The following MYO3B variants were observed in gnomAD, a reference collection of about 807,000 sequenced individuals.
MYO3B encodes the protein myosin IIIB.
Under a neutral mutation model 174.6 loss-of-function variants are expected in MYO3B, and 156 were observed. The observed-to-expected ratio is 0.89, with a 90% CI of 0.78 to 1.02. The LOEUF (loss-of-function observed/expected upper bound fraction) is 1.02, where lower values mean the gene tolerates loss of function less well. Among genes scored for constraint, MYO3B ranks in the 50% least tolerant of loss-of-function variants. The pLI is 0.00. For synonymous variants in MYO3B, 563 were observed against 569.1 expected (o/e 0.99, Z 0.15); for missense variants, 1,632 against 1,639.4 (o/e 1.00, Z 0.08).
At chr2:170,582,118 T>C (rs979191567) in intron 32 of MYO3B, among the ~76,000 whole-genome samples, 29 of 152,362 alleles carry the variant, frequency 1.9e-4, no homozygotes, top group African/African-American at 7.0e-4. Context: ...GCAAAGATTC[T>C]TTCATGCAAC....
At chr2:170,479,129 C>T (rs944188565) in intron 25 of MYO3B, among the ~76,000 whole-genome samples, 11 of 149,574 alleles carry the variant, frequency 7.4e-5, no homozygotes, top group African/African-American at 1.7e-4. Flanking sequence ...ACTAAAACTA[C>T]GAAAATTAGC....
At chr2:170,628,104 G>A (rs182641431) in intron 32 of MYO3B, among the ~76,000 whole-genome samples, 1 of 152,164 alleles carries the variant, frequency 6.6e-6, no homozygotes, top group Non-Finnish European at 1.5e-5. Context: ...GTCTTCAGAG[G>A]TTTCTGCTGC....
chr2:170,507,635 C>T (rs574216379), intron 28 of MYO3B, among the ~76,000 whole-genome samples: 1 of 152,132 alleles, frequency 6.6e-6, no homozygotes, highest in East Asian at 1.9e-4. Flanking sequence ...TCAAGTGATC[C>T]GCACGCCTCA....
At chr2:170,490,529 A>ATTT (rs554826924) in intron 25 of MYO3B, among the ~76,000 whole-genome samples, 1 of 145,238 alleles carries the variant, frequency 6.9e-6, no homozygotes, top group African/African-American at 2.6e-5. Context: ...CATGGATGTT[A>ATTT]TTTTTTTTTT....
In MYO3B at chr2:170,507,786, C is replaced by T. The variant is rs188716645; in HGVS notation, c.3370+5921C>T. Among the ~76,000 whole-genome samples, 2 of 152,216 alleles carry T rather than the reference C, an allele frequency of 1.3e-5. 1 individual carries two copies. The highest frequency in any genetic ancestry group is 3.9e-4 in the East Asian group (2 of 5,174). ...TGTGGTTTACTTGAGGAAAACATAC[C>T]TTGTCTGTGACAAGGCTTAGAGCAA... On this transcript the variant is annotated intron_variant, in intron 28 of 34. Coordinates refer to ENST00000408978, the MANE Select transcript of MYO3B (RefSeq NM_138995.5).
chr2:170,328,758 A>C (rs2093888093), intron 7 of MYO3B, among the ~76,000 whole-genome samples: 1 of 150,646 alleles, frequency 6.6e-6, no homozygotes, highest in Admixed American at 6.7e-5. Context: ...TGAAAGTGAT[A>C]TGGATGAACT....
chr2:170,323,887 A>G (rs974599948), intron 7 of MYO3B, among the ~76,000 whole-genome samples: 12 of 152,216 alleles, frequency 7.9e-5, no homozygotes, highest in African/African-American at 2.9e-4. Context: ...TCCTGACTGG[A>G]CCTAAAAGAG....
At chr2:170,605,527 C>A (rs568779248) in intron 32 of MYO3B, among the ~76,000 whole-genome samples, 1 of 152,266 alleles carries the variant, frequency 6.6e-6, no homozygotes, top group South Asian at 2.1e-4. Flanking sequence ...GTCTTGAAAA[C>A]CTTAGTCCTC....
At chr2:170,229,184 A>G (rs569843353) in intron 6 of MYO3B, among the ~76,000 whole-genome samples, 2 of 152,240 alleles carry the variant, frequency 1.3e-5, no homozygotes, top group African/African-American at 4.8e-5. Context: ...TTTATGATCA[A>G]TAACATTTAT....
intron 30 of MYO3B, among the ~76,000 whole-genome samples, chr2:170,533,770 C>T (rs1244818408): frequency 6.6e-6 from 1 of 152,162 alleles, no homozygotes; most frequent in Admixed American, 6.5e-5. Flanking sequence ...TAACTTCTGA[C>T]TATATATGCA....
At chr2:170,260,568 A>T (rs2093338064) in intron 7 of MYO3B, among the ~76,000 whole-genome samples, 3 of 152,140 alleles carry the variant, frequency 2.0e-5, no homozygotes, top group Admixed American at 2.0e-4. Flanking sequence ...GGGAGAGGAG[A>T]AGAAGGGTTG....
intron 32 of MYO3B, among the ~76,000 whole-genome samples, chr2:170,592,417 T>C (rs996070196): frequency 3.3e-5 from 5 of 152,144 alleles, no homozygotes; most frequent in Non-Finnish European, 7.4e-5. Context: ...TTGCAGAATT[T>C]TGGGGCAAGA....
intron 22 of MYO3B, among the ~76,000 whole-genome samples, chr2:170,437,757 C>A (rs2094765308): frequency 6.6e-6 from 1 of 152,088 alleles, no homozygotes; most frequent in Non-Finnish European, 1.5e-5. Flanking sequence ...TATTTTTCCT[C>A]CCCTGAAGGA....
rs12105432 is a variant in MYO3B at position 170,377,422 on chromosome 2, C to T, written c.972-4594C>T. ...GTCTTAGGGGAACTCCCAGCCTCTA[C>T]CTCTGGCTCTGTCTTTCCCGTTCTT... On this transcript the variant is annotated intron_variant, in intron 9 of 34. Coordinates refer to ENST00000408978, the MANE Select transcript of MYO3B (RefSeq NM_138995.5). Among the ~76,000 whole-genome samples, 96 of 152,344 alleles carry T rather than the reference C, an allele frequency of 6.3e-4. 3 individuals carry two copies. The highest frequency in any genetic ancestry group is 2.3e-3 in the African/African-American group (95 of 41,586).
chr2:170,452,909 G>A (rs1271477196), intron 23 of MYO3B, among the ~76,000 whole-genome samples: 1 of 152,144 alleles, frequency 6.6e-6, no homozygotes, highest in Admixed American at 6.5e-5. Context: ...GGCTGCCATT[G>A]TCAAAAAAAC....
chr2:170,555,904 C>T (rs1691256635), intron 32 of MYO3B, among the ~76,000 whole-genome samples: 1 of 150,772 alleles, frequency 6.6e-6, no homozygotes, highest in Non-Finnish European at 1.5e-5. Flanking sequence ...ATTTAAGATT[C>T]CTCCATGTCG....
rs189139758 is a variant in MYO3B, at chr2:170,256,104, A to G, written c.749+19968A>G. Among the ~76,000 whole-genome samples, 995 of 152,308 alleles carry G rather than the reference A, an allele frequency of 6.5e-3. 8 individuals are homozygous for G. Among genetic ancestry groups the G allele is most frequent in the Non-Finnish European group, 0.011 (757 of 68,012 alleles). ...CAAAAATAAAGAAAAATGACTTAAA[A>G]AAATGAACAAAGCCTTTGAGAAATA... On this transcript the variant is annotated intron_variant, in intron 7 of 34. Transcript: ENST00000408978.
intron 14 of MYO3B, among the ~76,000 whole-genome samples, chr2:170,390,406 C>A (rs567386188): frequency 1.4e-4 from 21 of 152,306 alleles, no homozygotes; most frequent in African/African-American, 4.6e-4. Context: ...CCAGCCTGGA[C>A]AACAGAGTGA....
At chr2:170,328,873 T>C (rs1221095692) in intron 7 of MYO3B, among the ~76,000 whole-genome samples, 5 of 152,094 alleles carry the variant, frequency 3.3e-5, no homozygotes, top group Non-Finnish European at 7.4e-5. Context: ...ATAAAAATTA[T>C]AAAAATTAAG....
Sources: allele counts gnomAD v4.1 joint callset (sites outside exome capture counted in the v4.1 genomes callset), GRCh38; gene constraint gnomAD v4.1.1; transcripts MANE v1.5; gene names NCBI Gene and HGNC (gene_info 2026-07-23, HGNC 2026-07-21).